The following PITPNC1 variants were observed in gnomAD, a reference collection of about 807,000 sequenced individuals.
The protein encoded by PITPNC1 is cytoplasmic phosphatidylinositol transfer protein 1.
Under a neutral mutation model 44.7 loss-of-function variants are expected in PITPNC1, and 18 were observed. That is an observed-to-expected ratio of 0.40 (90% confidence interval 0.28 to 0.60). PITPNC1 has a LOEUF of 0.60. Among genes scored for constraint, PITPNC1 ranks in the 20% least tolerant of loss-of-function variants. The pLI, the probability that PITPNC1 is intolerant of heterozygous loss-of-function variation, is 0.39. For synonymous variants in PITPNC1, 141 were observed against 149.6 expected, an observed-to-expected ratio of 0.94 and a Z score of 0.42; for missense variants, 290 against 418.4, an observed-to-expected ratio of 0.69 and a Z score of 2.68.
intron 1 of PITPNC1, among the ~76,000 whole-genome samples, chr17:67,484,740 C>T (rs1238911374): frequency 6.6e-6 from 1 of 152,086 alleles, no homozygotes; most frequent in Non-Finnish European, 1.5e-5. Flanking sequence ...GAGTTCGAGA[C>T]CAGCCTGGTC....
Position 67,434,813 on chromosome 17 carries a change from AT to A in PITPNC1, c.48+56612del, listed in dbSNP as rs1313738179. Among the ~76,000 whole-genome samples the A allele has an allele frequency of 3.2e-4, 47 of 147,696 alleles. No homozygotes were observed. The East Asian group carries it at 3.7e-3, about 12-fold the overall frequency. On this transcript the variant is annotated intron_variant, in intron 1 of 8. Coordinates refer to ENST00000581322, the MANE Select transcript of PITPNC1 (RefSeq NM_012417.4). ...ACTCTGCCTCAAAAAAAAAAAAAAA[AT>A]AAAAAAATAAAAGGCCAGGCTAGGT...
intron 1 of PITPNC1, among the ~76,000 whole-genome samples, chr17:67,409,639 AG>A (rs2038462368): frequency 6.6e-6 from 1 of 151,578 alleles, no homozygotes. Flanking sequence ...CTTTGGTTCA[AG>A]CGATTCTCCT....
intron 1 of PITPNC1, among the ~76,000 whole-genome samples, chr17:67,484,356 A>G (rs1415888482): frequency 6.6e-6 from 1 of 152,120 alleles, no homozygotes; most frequent in African/African-American, 2.4e-5. Context: ...TTTATAGCCA[A>G]CTTTTTCCAT....
At chr17:67,679,958 C>T (rs1315125948) in intron 8 of PITPNC1, among the ~76,000 whole-genome samples, 3 of 152,142 alleles carry the variant, frequency 2.0e-5, no homozygotes, top group Admixed American at 6.5e-5. Context: ...GTGAACCTCA[C>T]GAATGTCTTT....
At chr17:67,687,123 T>C (rs776954094) in intron 8 of PITPNC1, 5 of 1,612,374 alleles carry the variant, frequency 3.1e-6, no homozygotes, top group Non-Finnish European at 4.2e-6. Context: ...CAAACCAACA[T>C]AAAAGTTTGC....
At chr17:67,601,625 C>T (rs983124091) in intron 5 of PITPNC1, among the ~76,000 whole-genome samples, 10 of 151,922 alleles carry the variant, frequency 6.6e-5, no homozygotes, top group Admixed American at 2.0e-4. Context: ...CATGGTGGTG[C>T]GTGCCTATAG....
chr17:67,590,405 G>T (rs2041374582), intron 5 of PITPNC1, among the ~76,000 whole-genome samples: 1 of 152,122 alleles, frequency 6.6e-6, no homozygotes, highest in Non-Finnish European at 1.5e-5. Flanking sequence ...TAAGTAATAA[G>T]TTTGTTTCTT....
At chr17:67,619,619 G>A (rs1327181987) in intron 5 of PITPNC1, among the ~76,000 whole-genome samples, 1 of 152,084 alleles carries the variant, frequency 6.6e-6, no homozygotes, top group Non-Finnish European at 1.5e-5. Context: ...CACAGTGCCC[G>A]CAGATGATGC....
At chr17:67,459,113 C>CTTTTTTTTTTTTTTTTTTTTTTTTT (rs886333854) in intron 1 of PITPNC1, among the ~76,000 whole-genome samples, 3 of 95,730 alleles carry the variant, frequency 3.1e-5, no homozygotes, top group Non-Finnish European at 6.3e-5. Flanking sequence ...TTTTCTTTTT[C>CTTTTTTTTTTTTTTTTTTTTTTTTT]TTTTTTTTTT....
At chr17:67,438,845 A>G (rs555634518) in intron 1 of PITPNC1, among the ~76,000 whole-genome samples, 2 of 152,342 alleles carry the variant, frequency 1.3e-5, no homozygotes, top group South Asian at 4.1e-4. Flanking sequence ...TGCTGAAAAG[A>G]AAACTCCAGG....
chr17:67,476,912 A>G (rs901819860), intron 1 of PITPNC1, among the ~76,000 whole-genome samples: 13 of 152,118 alleles, frequency 8.5e-5, no homozygotes, highest in Non-Finnish European at 1.8e-4. Context: ...ATCACCTGCG[A>G]GCTTGTTAGA....
Position 67,597,462 on chromosome 17 carries a change from G to C in PITPNC1, c.366+19205G>C, listed in dbSNP as rs887731632. On this transcript the variant is annotated intron_variant, in intron 5 of 8. Coordinates refer to ENST00000581322, the MANE Select transcript of PITPNC1 (RefSeq NM_012417.4). This position sits in a 1 kb window ranked among gnomAD's most constrained non-coding sequence, Gnocchi z 4.0. ...ACAGCTACTCAGGAGGCTGAGGCAG[G>C]AGAATCACTTGAATACGGGAGGTGG... Among the ~76,000 whole-genome samples, 120 of 152,132 alleles carry C rather than the reference G, an allele frequency of 7.9e-4. 1 individual carries two copies. Among genetic ancestry groups the C allele is most frequent in the African/African-American group, 2.8e-3 (117 of 41,444 alleles).
At chr17:67,685,415 G>C (rs1305645867) in intron 8 of PITPNC1, among the ~76,000 whole-genome samples, 1 of 152,206 alleles carries the variant, frequency 6.6e-6, no homozygotes, top group Non-Finnish European at 1.5e-5. Flanking sequence ...AGACCACAGT[G>C]AATTAAATCA....
At chr17:67,604,987 G>A (rs1475829130) in intron 5 of PITPNC1, among the ~76,000 whole-genome samples, 1 of 151,420 alleles carries the variant, frequency 6.6e-6, no homozygotes, top group African/African-American at 2.4e-5. Context: ...GCTGAGGCAG[G>A]AGAATCGTTT....
intron 4 of PITPNC1, among the ~76,000 whole-genome samples, chr17:67,556,029 G>A (rs996978614): frequency 6.6e-6 from 1 of 152,160 alleles, no homozygotes; most frequent in Non-Finnish European, 1.5e-5. Context: ...CTTTTCTGGA[G>A]GCAAGAGGGG....
At chr17:67,472,424 G>A (rs949146717) in intron 1 of PITPNC1, among the ~76,000 whole-genome samples, 62 of 150,398 alleles carry the variant, frequency 4.1e-4, no homozygotes, top group Non-Finnish European at 1.3e-4. Context: ...GAGGCGGGTG[G>A]GTCACGAGGT....
At chr17:67,449,479 T>C (rs2039146232) in intron 1 of PITPNC1, among the ~76,000 whole-genome samples, 1 of 152,232 alleles carries the variant, frequency 6.6e-6, no homozygotes, top group Admixed American at 6.5e-5. Context: ...GGAATAAGCA[T>C]AACACTTTTC....
intron 6 of PITPNC1, among the ~76,000 whole-genome samples, chr17:67,639,622 A>G (rs2042070980): frequency 6.6e-6 from 1 of 152,204 alleles, no homozygotes; most frequent in Non-Finnish European, 1.5e-5. Context: ...TTGATTTTGA[A>G]CTTTCCCCTT....
chr17:67,677,370 T>C (rs918319077), intron 8 of PITPNC1, among the ~76,000 whole-genome samples: 10 of 151,932 alleles, frequency 6.6e-5, no homozygotes, highest in African/African-American at 2.4e-4. Flanking sequence ...GTTGCCAGAG[T>C]GCCAAAGAAG....
Sources: allele counts gnomAD v4.1 joint callset (sites outside exome capture counted in the v4.1 genomes callset), GRCh38; gene constraint gnomAD v4.1.1; non-coding constraint Gnocchi (gnomAD v3.1); transcripts MANE v1.5; gene names NCBI Gene and HGNC (gene_info 2026-07-23, HGNC 2026-07-21).